TTC23: variants seen among roughly 807,000 people sequenced by gnomAD.
TTC23 encodes the protein tetratricopeptide repeat domain 23, also known as tetratricopeptide repeat protein 23.
TTC23 carries 58 observed loss-of-function variants against 55.1 expected under a neutral mutation model. The observed-to-expected ratio is 1.05, with a 90% CI of 0.85 to 1.31. TTC23 has a LOEUF of 1.31. TTC23 is among the 50% of genes most tolerant of loss of function. The pLI, the probability that TTC23 is intolerant of heterozygous loss-of-function variation, is 0.00. For missense variants in TTC23, 516 were observed against 534.4 expected, an observed-to-expected ratio of 0.97 and a Z score of 0.34; for synonymous variants, 203 against 199.9, an observed-to-expected ratio of 1.02 and a Z score of -0.13.
intron 12 of TTC23, among the ~76,000 whole-genome samples, chr15:99,150,042 G>C (rs536239578): frequency 9.3e-4 from 141 of 152,328 alleles, no homozygotes; most frequent in African/African-American, 2.5e-3. Flanking sequence ...AAGTGAGGAG[G>C]GGGAAGGAAA....
At chr15:99,151,133 G>T (rs1209215379) in intron 12 of TTC23, among the ~76,000 whole-genome samples, 1 of 152,176 alleles carries the variant, frequency 6.6e-6, no homozygotes, top group East Asian at 1.9e-4. Context: ...AAGGGAAGGG[G>T]CTACTTCATT....
intron 4 of TTC23, among the ~76,000 whole-genome samples, chr15:99,231,508 T>A (rs2078931034): frequency 6.6e-6 from 1 of 152,266 alleles, no homozygotes; most frequent in Non-Finnish European, 1.5e-5. Context: ...TTGTTTTTTT[T>A]TGAGACGAAG....
chr15:99,221,658 C>A, intron 6 of TTC23, 83 bp downstream of exon 6: 1 of 1,545,610 alleles, frequency 6.5e-7, no homozygotes, highest in Non-Finnish European at 8.8e-7. Context: ...AAAACCTGAT[C>A]CTTCTAATTA....
At chr15:99,198,782 A>G (rs2075957514) in intron 9 of TTC23, among the ~76,000 whole-genome samples, 1 of 152,234 alleles carries the variant, frequency 6.6e-6, no homozygotes, top group African/African-American at 2.4e-5. Context: ...GAGTAGGAGT[A>G]TAAATTGTCA....
chr15:99,183,499 T>A (rs2074362605), intron 9 of TTC23, among the ~76,000 whole-genome samples: 5 of 30,682 alleles, frequency 1.6e-4, no homozygotes, highest in South Asian at 1.2e-3. Flanking sequence ...TTTTTTGTAT[T>A]TTTTTTTTTT....
rs118041788 is a variant in TTC23 at position 99,223,165 on chromosome 15, A to T, written c.181-1301T>A. ...CAGTTTTCAGGCCACAGTCTAAAGG[A>T]ACTGGTGGCTTTGCTTTCTGTCTCT... On this transcript the variant is annotated intron_variant, in intron 5 of 13. Coordinates refer to ENST00000394132, the MANE Select transcript of TTC23 (RefSeq NM_001288615.3). Among the ~76,000 whole-genome samples the T allele has an allele frequency of 6.2e-4, 94 of 152,300 alleles. 1 individual carries two copies. The East Asian group carries it at 0.013, about 22-fold the overall frequency.
At chr15:99,158,681 G>A (rs2070945205) in intron 11 of TTC23, 2 of 152,294 alleles carry the variant, frequency 1.3e-5, no homozygotes, top group Non-Finnish European at 2.9e-5. Context: ...GTGGCAGAGT[G>A]ACCTTCACTT....
chr15:99,201,673 C>G (rs2623179), intron 8 of TTC23, among the ~76,000 whole-genome samples: 12,859 of 152,110 alleles, frequency 0.085, 1,110 homozygotes, highest in African/African-American at 0.22. Context: ...CTCAGGAAGA[C>G]TTCAGGGACT....
intron 4 of TTC23, among the ~76,000 whole-genome samples, chr15:99,232,267 C>T (rs1008551141): frequency 2.0e-5 from 3 of 151,568 alleles, no homozygotes; most frequent in African/African-American, 4.8e-5. Context: ...ATCACAAGAT[C>T]AAGAGATGGA....
At chr15:99,208,527 G>A (rs564354888) in intron 8 of TTC23, among the ~76,000 whole-genome samples, 8 of 151,938 alleles carry the variant, frequency 5.3e-5, no homozygotes, top group African/African-American at 1.4e-4. Flanking sequence ...AATACAACAC[G>A]CAATTGCACA....
intron 11 of TTC23, 56 bp downstream of exon 11, chr15:99,161,684 T>C: frequency 6.4e-7 from 1 of 1,572,938 alleles, no homozygotes; most frequent in Middle Eastern, 1.7e-4. Flanking sequence ...GTAAAGGAGT[T>C]GCCCTTTGGA....
At chr15:99,197,258 A>G (rs1468103154) in intron 9 of TTC23, among the ~76,000 whole-genome samples, 8 of 152,112 alleles carry the variant, frequency 5.3e-5, no homozygotes, top group East Asian at 1.9e-4. Flanking sequence ...GCCCGCCACC[A>G]TGCCCGGCTA....
intron 9 of TTC23, among the ~76,000 whole-genome samples, chr15:99,192,345 G>A (rs1161321670): frequency 6.6e-6 from 1 of 152,164 alleles, no homozygotes; most frequent in Non-Finnish European, 1.5e-5. Context: ...TCACAGGCCT[G>A]GAGGCTTAGG....
At chr15:99,169,697 T>C (rs975833217) in intron 10 of TTC23, among the ~76,000 whole-genome samples, 2 of 152,150 alleles carry the variant, frequency 1.3e-5, no homozygotes, top group African/African-American at 4.8e-5. Context: ...CTGGGTGAGA[T>C]GCAGTGACTA....
intron 8 of TTC23, among the ~76,000 whole-genome samples, chr15:99,213,737 G>A (rs1042845288): frequency 2.6e-5 from 4 of 152,310 alleles, no homozygotes; most frequent in Admixed American, 2.6e-4. Context: ...GTTAAGCATA[G>A]GAGTAGTTTT....
intron 8 of TTC23, among the ~76,000 whole-genome samples, chr15:99,205,263 A>C (rs536197075): frequency 1.3e-5 from 2 of 151,656 alleles, no homozygotes; most frequent in South Asian, 4.2e-4. Flanking sequence ...TTTGGTCAGG[A>C]TTTCTTTGAC....
intron 5 of TTC23, among the ~76,000 whole-genome samples, chr15:99,227,056 T>G (rs2078506350): frequency 6.6e-6 from 1 of 152,230 alleles, no homozygotes; most frequent in Non-Finnish European, 1.5e-5. Context: ...AGGGCTTAAT[T>G]CTTTTGCAGA....
Position 99,228,713 on chromosome 15 carries a change from A to G in TTC23, c.-1T>C. Reference sequence around the variant, plus strand: ...TGTGGGTTTCCTGTGATTCTTGCATATTTTTATATACATTGTCTTCTAATT... The same window carrying G: ...TGTGGGTTTCCTGTGATTCTTGCATGTTTTTATATACATTGTCTTCTAATT... On this transcript the variant is annotated 5_prime_UTR_variant, in exon 5 of 14. Coordinates refer to ENST00000394132, the MANE Select transcript of TTC23 (RefSeq NM_001288615.3). 1 of 1,584,644 alleles carries G rather than the reference A, an allele frequency of 6.3e-7. No homozygotes were observed. Among genetic ancestry groups the G allele is most frequent in the Non-Finnish European group, 8.6e-7 (1 of 1,165,686 alleles).
chr15:99,167,982 C>G (rs2072365728), intron 10 of TTC23, among the ~76,000 whole-genome samples: 1 of 152,196 alleles, frequency 6.6e-6, no homozygotes, highest in Non-Finnish European at 1.5e-5. Flanking sequence ...CTACTTAGAC[C>G]CTGCTGGGGG....
Sources: allele counts gnomAD v4.1 joint callset (sites outside exome capture counted in the v4.1 genomes callset), GRCh38; gene constraint gnomAD v4.1.1; transcripts MANE v1.5; gene names NCBI Gene and HGNC (gene_info 2026-07-23, HGNC 2026-07-21).